Variants in MCOLN2 observed in about 807,000 individuals in gnomAD.
The protein encoded by MCOLN2 is mucolipin TRP cation channel 2.
MCOLN2 carries 57 observed loss-of-function variants against 67.5 expected under a neutral mutation model. The observed-to-expected ratio is 0.84, with a 90% confidence interval of 0.68 to 1.05. The LOEUF (loss-of-function observed/expected upper bound fraction) is 1.05. Among genes scored for constraint, MCOLN2 ranks in the 50% least tolerant of loss-of-function variants. MCOLN2 has a pLI of 0.00. For missense variants in MCOLN2, 620 were observed against 678.8 expected, an observed-to-expected ratio of 0.91 and a Z score of 0.96; for synonymous variants, 246 against 233.3, an observed-to-expected ratio of 1.05 and a Z score of -0.50.
chr1:84,937,680 C>T (rs1338218347), intron 11 of MCOLN2, 75 bp downstream of exon 11: 12 of 1,582,190 alleles, frequency 7.6e-6, no homozygotes, highest in Non-Finnish European at 9.5e-6. Context: ...GACCAGGAAG[C>T]AAGTAAGTGC....
At position 84,926,046 on chromosome 1, in the gene MCOLN2, CGCCCGACTA is replaced by C. The variant is rs1294563678; in HGVS notation, c.*630_*638del. On this transcript the variant is annotated 3_prime_UTR_variant, in exon 14 of 14. Coordinates refer to ENST00000370608, the MANE Select transcript of MCOLN2 (RefSeq NM_153259.4). Reference sequence around the variant, plus strand: ...CTGGGACTACAGATGCCTGCCATCACGCCCGACTAATTTTTGTACTTTTTGTAGAGGTGG... The same window carrying C: ...CTGGGACTACAGATGCCTGCCATCACATTTTTGTACTTTTTGTAGAGGTGG... The C allele has an allele frequency of 6.6e-6, 1 of 152,142 alleles. No individual in the cohort carries two copies. Among genetic ancestry groups the C allele is most frequent in the Non-Finnish European group, 1.5e-5 (1 of 68,098 alleles). 9.4% of individuals were successfully genotyped at this position (152,142 alleles called of 1,614,324 possible).
At chr1:84,980,599 G>T (rs1237512518) in intron 1 of MCOLN2, among the ~76,000 whole-genome samples, 1 of 152,128 alleles carries the variant, frequency 6.6e-6, no homozygotes, top group African/African-American at 2.4e-5. Flanking sequence ...TAAATAAATG[G>T]TGTTGGGGAA....
intron 11 of MCOLN2, among the ~76,000 whole-genome samples, chr1:84,933,685 T>C (rs1041487964): frequency 6.6e-5 from 10 of 152,208 alleles, no homozygotes; most frequent in African/African-American, 2.4e-4. Flanking sequence ...GTCAACTCCT[T>C]TCTCTAGTTT....
chr1:84,941,564 T>G (rs1647787302), intron 7 of MCOLN2, among the ~76,000 whole-genome samples: 1 of 152,110 alleles, frequency 6.6e-6, no homozygotes, highest in African/African-American at 2.4e-5. Context: ...TCACTCAAAT[T>G]TATATATAAA....
intron 1 of MCOLN2, among the ~76,000 whole-genome samples, chr1:84,981,409 T>C (rs1049994019): frequency 2.0e-5 from 3 of 152,164 alleles, no homozygotes; most frequent in Non-Finnish European, 2.9e-5. Flanking sequence ...GCAATCTGTA[T>C]GTCCATCAGC....
rs1311026330 is a variant in MCOLN2 at position 84,926,411 on chromosome 1, T to C, written c.*274A>G. The C allele has an allele frequency of 9.4e-6, 3 of 319,662 alleles. No homozygotes were observed. Among genetic ancestry groups the C allele is most frequent in the East Asian group, 4.8e-5 (1 of 20,904 alleles). 19.8% of individuals were successfully genotyped at this position (319,662 alleles called of 1,614,324 possible). A position where few individuals can be genotyped will look rare whatever the true frequency, so the allele number is the denominator to read the frequency against. ...ATGATCTTTTTCCATTCCGAGATCATGTCATAAATTAACAGACTAATAGAG... is the reference window on the plus strand; with the variant it reads ...ATGATCTTTTTCCATTCCGAGATCACGTCATAAATTAACAGACTAATAGAG... On this transcript the variant is annotated 3_prime_UTR_variant, in exon 14 of 14. Coordinates refer to ENST00000370608, the MANE Select transcript of MCOLN2 (RefSeq NM_153259.4).
chr1:84,949,847 G>A (rs1648325039), intron 6 of MCOLN2, among the ~76,000 whole-genome samples: 1 of 151,602 alleles, frequency 6.6e-6, no homozygotes, highest in Non-Finnish European at 1.5e-5. Flanking sequence ...CCATCCTTCA[G>A]AAATGAAGAA....
At position 84,939,603 on chromosome 1, in the gene MCOLN2, C is replaced by A. The variant is rs868791014; in HGVS notation, c.1060G>T (p.Asp354Tyr). 5.6e-6 allele frequency: 9 copies of A among 1,614,016 alleles called. No homozygotes were observed. Among genetic ancestry groups the A allele is most frequent in the Non-Finnish European group, 7.6e-6 (9 of 1,179,924 alleles). ...NGWYVLVIIS[D>Y]LMTIIGSILK... ...ATGGAGCCAATGATTGTCATTAGGT[C>A]GCTGATAATCACCAGGACATACCAG... Residue 354 changes from aspartate to tyrosine, a missense_variant, in exon 9 of 14, where the codon GAC (aspartate) becomes TAC (tyrosine). Coordinates refer to ENST00000370608, the MANE Select transcript of MCOLN2 (RefSeq NM_153259.4).
At chr1:84,983,511 C>T (rs972017197) in intron 1 of MCOLN2, among the ~76,000 whole-genome samples, 5 of 151,588 alleles carry the variant, frequency 3.3e-5, no homozygotes, top group African/African-American at 1.2e-4. Flanking sequence ...GCAGATGATC[C>T]TTCCCCCTGG....
At chr1:84,949,393 C>T (rs1470294080) in intron 6 of MCOLN2, among the ~76,000 whole-genome samples, 2 of 152,206 alleles carry the variant, frequency 1.3e-5, no homozygotes, top group Non-Finnish European at 2.9e-5. Flanking sequence ...AATCCCAACA[C>T]TTTGGGAGGC....
intron 2 of MCOLN2, among the ~76,000 whole-genome samples, chr1:84,964,193 C>T (rs965555425): frequency 2.6e-5 from 4 of 152,164 alleles, no homozygotes; most frequent in Non-Finnish European, 5.9e-5. Flanking sequence ...TTTCCCTAAA[C>T]TTGAGCTGGT....
At chr1:84,967,603 A>G (rs2102861608) in intron 1 of MCOLN2, among the ~76,000 whole-genome samples, 1 of 152,272 alleles carries the variant, frequency 6.6e-6, no homozygotes, top group South Asian at 2.1e-4. Flanking sequence ...AGATTTTTAA[A>G]TCTCCTGTTT....
intron 6 of MCOLN2, among the ~76,000 whole-genome samples, 181 bp from the exon 7 acceptor site, chr1:84,947,313 C>CAG (rs1648168798): frequency 6.6e-6 from 1 of 151,910 alleles, no homozygotes; most frequent in South Asian, 2.1e-4. Flanking sequence ...CCACCACACA[C>CAG]ACACACACAC....
intron 1 of MCOLN2, among the ~76,000 whole-genome samples, chr1:84,993,924 C>A (rs1399931616): frequency 2.6e-5 from 4 of 152,082 alleles, no homozygotes; most frequent in African/African-American, 9.7e-5. Context: ...GCCACCGCGC[C>A]CGGCCAAATA....
At chr1:84,976,380 A>G (rs1024762519) in intron 1 of MCOLN2, among the ~76,000 whole-genome samples, 1 of 152,242 alleles carries the variant, frequency 6.6e-6, no homozygotes, top group Admixed American at 6.5e-5. Context: ...AGTGAGGGGC[A>G]TGACATATTG....
Position 84,952,492 on chromosome 1 carries a change from G to T in MCOLN2, c.604C>A (p.Pro202Thr), listed in dbSNP as rs138870286. 1.9e-6 allele frequency: 3 copies of T among 1,613,020 alleles called. No homozygotes were observed. Among genetic ancestry groups the T allele is most frequent in the African/African-American group, 1.3e-5 (1 of 74,882 alleles). ...AATGATGAGTTCTTCCAGTCCGGAG[G>T]CTTCTTGGAGAGGTCCTGAAGGTCT... The part of the protein sequence containing the change: ...QLDLQDLSKK[P>T]PDWKNSSFFR... The change falls in exon 5 of 14, where the codon CCT (proline) becomes ACT (threonine). Residue 202 changes from proline (P) to threonine (T), a missense_variant. Transcript: ENST00000370608.
At chr1:84,956,681 GT>G in intron 3 of MCOLN2, 97 bp from the exon 4 acceptor site, 1 of 1,025,470 alleles carries the variant, frequency 9.8e-7, no homozygotes, top group Non-Finnish European at 1.4e-6. Context: ...ACTTTGTATT[GT>G]TTACATCATG....
chr1:84,987,581 GAT>G (rs2102888414), intron 1 of MCOLN2, among the ~76,000 whole-genome samples: 1 of 47,316 alleles, frequency 2.1e-5, no homozygotes, highest in African/African-American at 7.5e-5. Flanking sequence ...TGTATACATA[GAT>G]ATATACATAT....
intron 7 of MCOLN2, among the ~76,000 whole-genome samples, chr1:84,943,959 C>A (rs1372588595): frequency 6.6e-6 from 1 of 152,042 alleles, no homozygotes; most frequent in East Asian, 1.9e-4. Flanking sequence ...TTTTTTTTCC[C>A]CTTGGATCCA....
Sources: allele counts gnomAD v4.1 joint callset (sites outside exome capture counted in the v4.1 genomes callset), GRCh38; gene constraint gnomAD v4.1.1; transcripts MANE v1.5; gene names NCBI Gene and HGNC (gene_info 2026-07-23, HGNC 2026-07-21).